Variants in PIK3C2G observed in about 807,000 individuals in gnomAD.
PIK3C2G encodes the protein phosphatidylinositol 3-kinase C2 domain-containing subunit gamma.
A neutral mutation model predicts 181.1 loss-of-function variants in PIK3C2G; 168 were observed. The ratio of observed to expected loss-of-function variants is 0.93; its 90% CI spans 0.82 to 1.05. PIK3C2G has a LOEUF of 1.05. PIK3C2G is among the 50% of genes least tolerant of loss of function. The probability of loss-of-function intolerance (pLI) is 0.00; values close to 1 mark genes in which losing one functional copy is unlikely to be tolerated. For missense variants in PIK3C2G, 1,869 were observed against 1,732.8 expected (o/e 1.08, Z -1.40); for synonymous variants, 573 against 592.2 (o/e 0.97, Z 0.47).
At chr12:18,264,947 G>T (rs2082222120) in intron 1 of PIK3C2G, among the ~76,000 whole-genome samples, 1 of 152,138 alleles carries the variant, frequency 6.6e-6, no homozygotes, top group Admixed American at 6.5e-5. Context: ...CTGAACATTT[G>T]CTCACTCAGC....
the PIK3C2G span, among the ~76,000 whole-genome samples, chr12:18,709,455 C>T: frequency 8.6e-5 from 13 of 152,022 alleles, no homozygotes; most frequent in African/African-American, 3.1e-4. Flanking sequence ...AAGTGTGATG[C>T]CTCCAACTTT....
chr12:18,635,335 C>T (rs1233415562), intron 31 of PIK3C2G, among the ~76,000 whole-genome samples: 2 of 152,192 alleles, frequency 1.3e-5, no homozygotes, highest in African/African-American at 2.4e-5. Flanking sequence ...TGTAACTTAT[C>T]GTGACACGCC....
intron 22 of PIK3C2G, among the ~76,000 whole-genome samples, chr12:18,500,993 C>G (rs1941428933): frequency 6.6e-6 from 1 of 152,064 alleles, no homozygotes; most frequent in Non-Finnish European, 1.5e-5. Context: ...CCGCGTAGGT[C>G]CGCAGCTTCA....
At chr12:18,454,040 G>T (rs968564006) in intron 18 of PIK3C2G, among the ~76,000 whole-genome samples, 6 of 151,990 alleles carry the variant, frequency 3.9e-5, no homozygotes, top group Non-Finnish European at 7.4e-5. Context: ...TCAAAACAGA[G>T]TTTTTCTACT....
At chr12:18,640,398 C>T (rs1949786549) in intron 31 of PIK3C2G, 31 bp from the exon 32 acceptor site, 2 of 1,588,572 alleles carry the variant, frequency 1.3e-6, no homozygotes, top group South Asian at 1.1e-5. Flanking sequence ...TAGCAACATG[C>T]ATTAATATTT....
chr12:18,531,719 A>T (rs929716808), intron 24 of PIK3C2G, among the ~76,000 whole-genome samples: 1 of 152,150 alleles, frequency 6.6e-6, no homozygotes, highest in East Asian at 1.9e-4. Context: ...AAATTATGTT[A>T]TTTTATTGAC....
chr12:18,391,890 A>T lies in PIK3C2G; in HGVS notation c.2126+638A>T, dbSNP rs539309301. Among the ~76,000 whole-genome samples, 220 of 149,898 alleles carry T rather than the reference A, an allele frequency of 1.5e-3. 1 individual carries two copies. The highest frequency in any genetic ancestry group is 4.3e-3 in the African/African-American group (178 of 40,990). On this transcript the variant is annotated intron_variant, in intron 15 of 32. Transcript: ENST00000538779. ...TTGTGCGTGTATGTGTGTGTGTGTG[A>T]GAGAGAGAGAGAGAGATTAAGATAT...
intron 18 of PIK3C2G, among the ~76,000 whole-genome samples, chr12:18,464,066 A>G (rs1948059876): frequency 6.6e-6 from 1 of 152,136 alleles, no homozygotes; most frequent in African/African-American, 2.4e-5. Context: ...CTAACAAATC[A>G]TAAATTGTGG....
rs1187085000 is a variant in PIK3C2G, at chr12:18,598,904, C to T, written c.4087+4335C>T. ...CAAAAAACACATGAGAAAATGCTCACCATCACTGGCCATCAGAGAAATGCA... is the reference window on the plus strand; with the variant it reads ...CAAAAAACACATGAGAAAATGCTCATCATCACTGGCCATCAGAGAAATGCA... On this transcript the variant is annotated intron_variant, in intron 30 of 32. Coordinates refer to ENST00000538779, the MANE Select transcript of PIK3C2G (RefSeq NM_001288772.2). 4.7e-4 allele frequency among the ~76,000 whole-genome samples: 71 copies of T among 151,816 alleles called. No individual in the cohort carries two copies. In the East Asian group the frequency reaches 0.013, roughly 29 times the overall value.
At chr12:18,624,805 G>T (rs1227144632) in intron 31 of PIK3C2G, among the ~76,000 whole-genome samples, 1 of 151,310 alleles carries the variant, frequency 6.6e-6, no homozygotes, top group African/African-American at 2.4e-5. Context: ...TTTCTTCTAG[G>T]TTATCCAATA....
At chr12:18,654,294 T>A in the PIK3C2G span, among the ~76,000 whole-genome samples, 3 of 142,672 alleles carry the variant, frequency 2.1e-5, no homozygotes, top group Non-Finnish European at 3.1e-5. Context: ...CACTAGTACC[T>A]AAAAAAAAAA....
At chr12:18,567,874 A>C (rs1212877469) in intron 29 of PIK3C2G, among the ~76,000 whole-genome samples, 1 of 152,176 alleles carries the variant, frequency 6.6e-6, no homozygotes, top group Admixed American at 6.5e-5. Flanking sequence ...AACAGGTTTT[A>C]TGGAATTAAA....
Position 18,365,309 on chromosome 12 carries a change from C to T in PIK3C2G, c.1748+2423C>T, listed in dbSNP as rs181722277. Among the ~76,000 whole-genome samples, 72 of 152,328 alleles carry T rather than the reference C, an allele frequency of 4.7e-4. 1 individual carries two copies. In the South Asian group the frequency reaches 5.2e-3, roughly 11 times the overall value. The stretch of plus-strand genomic sequence containing the variant: ...ACAACCTCTATTCTGCTCCATCCTC[C>T]TGCCAGCAGCTACCCCATTTCTTTT... On this transcript the variant is annotated intron_variant, in intron 12 of 32. Coordinates refer to ENST00000538779, the MANE Select transcript of PIK3C2G (RefSeq NM_001288772.2).
At chr12:18,343,445 G>T in intron 10 of PIK3C2G, 85 bp downstream of exon 10, 3 of 645,414 alleles carry the variant, frequency 4.6e-6, no homozygotes, top group Admixed American at 3.0e-5. Flanking sequence ...ATTTTTTTAT[G>T]CAAATACTGT....
intron 30 of PIK3C2G, 47 bp from the exon 31 acceptor site, chr12:18,609,488 C>G (rs760472282): frequency 9.2e-7 from 1 of 1,085,768 alleles, no homozygotes; most frequent in Non-Finnish European, 1.4e-6. Flanking sequence ...TGTTCCTGTG[C>G]TGAGCTTTTT....
chr12:18,475,588 A>G (rs1565427494), intron 18 of PIK3C2G, among the ~76,000 whole-genome samples: 1 of 152,150 alleles, frequency 6.6e-6, no homozygotes, highest in Non-Finnish European at 1.5e-5. Context: ...ATTTTTAAAC[A>G]GTAACAATTC....
At chr12:18,720,182 T>C in the PIK3C2G span, among the ~76,000 whole-genome samples, 2 of 152,244 alleles carry the variant, frequency 1.3e-5, no homozygotes, top group African/African-American at 2.4e-5. Flanking sequence ...TTGCATGTAG[T>C]TATAGTTATA....
At chr12:18,370,517 A>G (rs1941971507) in intron 12 of PIK3C2G, among the ~76,000 whole-genome samples, 1 of 152,104 alleles carries the variant, frequency 6.6e-6, no homozygotes, top group African/African-American at 2.4e-5. Flanking sequence ...AATGGCAAAA[A>G]ACTCTCTACA....
At chr12:18,570,073 C>T (rs1383640109) in intron 29 of PIK3C2G, among the ~76,000 whole-genome samples, 1 of 152,082 alleles carries the variant, frequency 6.6e-6, no homozygotes, top group African/African-American at 2.4e-5. Flanking sequence ...TCAATATTTT[C>T]TTAGTAAGAA....
Sources: gnomAD v4.1 joint callset for allele counts (sites outside exome capture counted in the v4.1 genomes callset) on GRCh38, gnomAD v4.1.1 for gene constraint, MANE v1.5 for transcripts, NCBI Gene and HGNC (gene_info 2026-07-23, HGNC 2026-07-21) for gene names.